CHN2: variants seen among roughly 807,000 people sequenced by gnomAD.
CHN2 encodes beta-chimaerin.
In CHN2, 35 loss-of-function variants were observed where a neutral mutation model predicts 56.3. That is an observed-to-expected ratio of 0.62 (90% confidence interval 0.47 to 0.82). The LOEUF (loss-of-function observed/expected upper bound fraction) is 0.82, where lower values mean the gene tolerates loss of function less well. Ranked by LOEUF, CHN2 falls within the 40% of genes least tolerant of loss-of-function variation. The pLI is 0.00. For synonymous variants in CHN2, 210 were observed against 212.8 expected (o/e 0.99, Z 0.12); for missense variants, 491 against 580.5 (o/e 0.85, Z 1.58).
intron 2 of CHN2, among the ~76,000 whole-genome samples, chr7:29,178,706 C>G (rs1797692020): frequency 6.6e-6 from 1 of 152,080 alleles, no homozygotes; most frequent in South Asian, 2.1e-4. Context: ...AGTAGGGGCT[C>G]AGTTATTGTT....
Position 29,424,225 on chromosome 7 carries a change from C to T in CHN2, c.576+23397C>T, listed in dbSNP as rs3793266. On this transcript the variant is annotated intron_variant, in intron 6 of 12. Coordinates refer to ENST00000222792, the MANE Select transcript of CHN2 (RefSeq NM_004067.4). ...TACAGAAATAGTTTTTAAATTAGTT[C>T]CATGCAACCTCCCACATTGCTTTAA... Among the ~76,000 whole-genome samples, 235 of 150,872 alleles carry T rather than the reference C, an allele frequency of 1.6e-3. 5 individuals are homozygous for T. In the East Asian group the frequency reaches 0.043, roughly 28 times the overall value.
intron 3 of CHN2, among the ~76,000 whole-genome samples, chr7:29,378,874 AGAAT>A (rs1800274802): frequency 6.6e-6 from 1 of 152,232 alleles, no homozygotes; most frequent in Non-Finnish European, 1.5e-5. Flanking sequence ...CTGAGGCAGG[AGAAT>A]CGCTTGAACC....
At chr7:29,311,654 T>C (rs1349362565) in intron 1 of CHN2, among the ~76,000 whole-genome samples, 1 of 152,198 alleles carries the variant, frequency 6.6e-6, no homozygotes, top group East Asian at 1.9e-4. Context: ...ATTTCTAAGG[T>C]CTTTCACTTG....
chr7:29,382,071 T>A (rs1412435074), intron 3 of CHN2, among the ~76,000 whole-genome samples: 1 of 152,158 alleles, frequency 6.6e-6, no homozygotes, highest in East Asian at 1.9e-4. Flanking sequence ...TGATCTTACC[T>A]CTTGGGTAAT....
Position 29,189,536 on chromosome 7 carries a change from T to C in CHN2, c.274+42576T>C, listed in dbSNP as rs142121345. 2.6e-3 allele frequency among the ~76,000 whole-genome samples: 396 copies of C among 152,298 alleles called. 1 individual carries two copies. Among genetic ancestry groups the C allele is most frequent in the Non-Finnish European group, 4.6e-3 (316 of 68,008 alleles). ...TTTATCCTAGATTTCTCTTAGGACATTGAAGACAGAAAAGATGTTTGTAAC... is the reference window on the plus strand; with the variant it reads ...TTTATCCTAGATTTCTCTTAGGACACTGAAGACAGAAAAGATGTTTGTAAC... On this transcript the variant is annotated intron_variant, in intron 2 of 6. Transcript: ENST00000439384.
chr7:29,411,416 C>T (rs188712183), intron 6 of CHN2, among the ~76,000 whole-genome samples: 2 of 152,328 alleles, frequency 1.3e-5, no homozygotes, highest in South Asian at 2.1e-4. Flanking sequence ...CAGGATGTGG[C>T]AGTCTCCCCA....
chr7:29,403,420 A>G (rs1179912188), intron 6 of CHN2, among the ~76,000 whole-genome samples: 1 of 152,194 alleles, frequency 6.6e-6, no homozygotes, highest in African/African-American at 2.4e-5. Context: ...AATTCCAGAC[A>G]CACCAGCATT....
rs60652952 is a variant in CHN2 at position 29,381,809 on chromosome 7, C to CAAAAAAAAAAAAAAAAAAA, written c.145-11861_145-11843dup. Among the ~76,000 whole-genome samples the CAAAAAAAAAAAAAAAAAAA allele has an allele frequency of 3.3e-4, 13 of 39,512 alleles. 1 individual carries two copies. The South Asian group carries it at 4.3e-3, about 13-fold the overall frequency. The allele number at this position is 39,512 out of a possible 152,430, so 25.9% of individuals were successfully genotyped here. Reference sequence around the variant, plus strand: ...AAAAGTCTATTCTCACTAAACTAAGCAAAAAAAAAAAAAAAAAAAAAAAAA... The same window carrying CAAAAAAAAAAAAAAAAAAA: ...AAAAGTCTATTCTCACTAAACTAAGCAAAAAAAAAAAAAAAAAAAAAAAAAAAAAAAAAAAAAAAAAAAA... On this transcript the variant is annotated intron_variant, in intron 3 of 12. Coordinates refer to ENST00000222792, the MANE Select transcript of CHN2 (RefSeq NM_004067.4).
intron 6 of CHN2, among the ~76,000 whole-genome samples, chr7:29,431,110 C>T (rs1409844066): frequency 1.3e-5 from 2 of 152,176 alleles, no homozygotes; most frequent in Non-Finnish European, 2.9e-5. Context: ...ACACCCACAA[C>T]TCATAGAATA....
At chr7:29,424,134 G>C (rs1475635980) in intron 6 of CHN2, among the ~76,000 whole-genome samples, 5 of 152,246 alleles carry the variant, frequency 3.3e-5, no homozygotes, top group Admixed American at 3.3e-4. Context: ...GAGTTGTCCA[G>C]AAAGTCCTAA....
intron 2 of CHN2, among the ~76,000 whole-genome samples, chr7:29,365,408 T>C (rs193046988): frequency 1.2e-4 from 18 of 152,234 alleles, no homozygotes; most frequent in Non-Finnish European, 5.9e-5. Flanking sequence ...GGAACTCACA[T>C]CAATAAATAC....
At chr7:29,442,370 A>G (rs975285394) in intron 6 of CHN2, among the ~76,000 whole-genome samples, 1 of 152,156 alleles carries the variant, frequency 6.6e-6, no homozygotes, top group Non-Finnish European at 1.5e-5. Flanking sequence ...GTGCCAACCA[A>G]ATAGGATTAG....
intron 3 of CHN2, among the ~76,000 whole-genome samples, chr7:29,377,505 C>T (rs985228957): frequency 2.0e-5 from 3 of 152,184 alleles, no homozygotes; most frequent in South Asian, 2.1e-4. Context: ...AATTCATTAT[C>T]GTATGTCAGA....
intron 2 of CHN2, among the ~76,000 whole-genome samples, chr7:29,155,608 T>C (rs1794253473): frequency 6.6e-6 from 1 of 152,204 alleles, no homozygotes. Context: ...TTTTCTCACC[T>C]CTTTGTCTAG....
chr7:29,204,052 C>T lies in CHN2; in HGVS notation c.49+9062C>T, dbSNP rs563627669. Among the ~76,000 whole-genome samples the T allele has an allele frequency of 1.5e-4, 22 of 146,250 alleles. No individual in the cohort carries two copies. The South Asian group carries it at 3.7e-3, about 25-fold the overall frequency. On this transcript the variant is annotated intron_variant, in intron 1 of 12. Coordinates refer to ENST00000222792, the MANE Select transcript of CHN2 (RefSeq NM_004067.4). ...AGAGAAGCTGAGGAAACAAAGCACA[C>T]GTTTTTCTCTCTCTCTGTGTGTGTG...
intron 2 of CHN2, among the ~76,000 whole-genome samples, chr7:29,182,999 A>G (rs944125616): frequency 2.0e-5 from 3 of 152,214 alleles, no homozygotes; most frequent in African/African-American, 7.2e-5. Context: ...GGATATATGA[A>G]AACAGCAGAG....
upstream of CHN2, chr7:29,191,732 ATT>A (rs1782922632): frequency 6.6e-6 from 1 of 152,248 alleles, no homozygotes; most frequent in African/African-American, 2.4e-5. Context: ...TAGCACCAAT[ATT>A]CTTTCCACTG....
At chr7:29,511,045 T>TGAAAGATACTTG (rs1467932761) in intron 12 of CHN2, among the ~76,000 whole-genome samples, 1 of 152,192 alleles carries the variant, frequency 6.6e-6, no homozygotes, top group Non-Finnish European at 1.5e-5. Context: ...TCTGTGTTTT[T>TGAAAGATACTTG]GAAAGATACT....
At chr7:29,255,836 A>G (rs1420802789) in intron 1 of CHN2, among the ~76,000 whole-genome samples, 3 of 152,154 alleles carry the variant, frequency 2.0e-5, no homozygotes, top group African/African-American at 7.2e-5. Flanking sequence ...TTACACAGGT[A>G]TACCTTCTGT....
Sources: allele counts gnomAD v4.1 joint callset (sites outside exome capture counted in the v4.1 genomes callset), GRCh38; gene constraint gnomAD v4.1.1; transcripts MANE v1.5; gene names NCBI Gene and HGNC (gene_info 2026-07-23, HGNC 2026-07-21).